EPHA5: variants seen among roughly 807,000 people sequenced by gnomAD.
The protein encoded by EPHA5 is ephrin type-A receptor 5.
A neutral mutation model predicts 105.0 loss-of-function variants in EPHA5; 60 were observed. That is an observed-to-expected ratio of 0.57 (90% CI 0.46 to 0.71). EPHA5 has a LOEUF of 0.71. Ranked by LOEUF, EPHA5 falls within the 30% of genes least tolerant of loss-of-function variation. The pLI is 0.00. For missense variants in EPHA5, 1,218 were observed against 1,274.7 expected (o/e 0.96, Z 0.68); for synonymous variants, 513 against 449.1 (o/e 1.14, Z -1.80).
chr4:65,612,556 T>G (rs926015048), intron 2 of EPHA5, among the ~76,000 whole-genome samples: 1 of 152,234 alleles, frequency 6.6e-6, no homozygotes, highest in African/African-American at 2.4e-5. Context: ...CCACATTTTC[T>G]TTATCCAATC....
At chr4:65,662,276 G>C (rs1270437962) in intron 1 of EPHA5, among the ~76,000 whole-genome samples, 6 of 152,136 alleles carry the variant, frequency 3.9e-5, no homozygotes, top group Non-Finnish European at 7.4e-5. Context: ...ATGTTTCCAA[G>C]TAGGAACATG....
intron 3 of EPHA5, among the ~76,000 whole-genome samples, chr4:65,519,825 G>A (rs1734497891): frequency 6.6e-6 from 1 of 152,094 alleles, no homozygotes; most frequent in Non-Finnish European, 1.5e-5. Context: ...TACAAGTGAT[G>A]TGAAGGACCT....
chr4:65,531,789 G>A (rs1469900144), intron 3 of EPHA5, among the ~76,000 whole-genome samples: 2 of 152,088 alleles, frequency 1.3e-5, no homozygotes, highest in Non-Finnish European at 2.9e-5. Flanking sequence ...TGATAAAGAG[G>A]TACCATATCA....
chr4:65,434,707 T>C (rs6831652), intron 5 of EPHA5, among the ~76,000 whole-genome samples: 60,673 of 151,916 alleles, frequency 0.4, 14,035 homozygotes, highest in Non-Finnish European at 0.52. Context: ...CAACTTTTCA[T>C]CAAATGTTTC....
At chr4:65,466,472 T>G (rs181237088) in intron 5 of EPHA5, among the ~76,000 whole-genome samples, 23 of 152,290 alleles carry the variant, frequency 1.5e-4, no homozygotes, top group African/African-American at 5.5e-4. Flanking sequence ...TTAGAGGGTT[T>G]TGAGGAGGGA....
At position 65,324,125 on chromosome 4, in the gene EPHA5, C is replaced by A. The variant is rs758487170; in HGVS notation, c.3040G>T (p.Val1014Leu). The A allele has an allele frequency of 6.2e-7, 1 of 1,606,982 alleles. No homozygotes were observed. The highest frequency in any genetic ancestry group is 1.7e-4 in the Middle Eastern group (1 of 6,016). The change falls in exon 17 of 17, where the codon GTG becomes TTG. Residue 1014 changes from valine to leucine, a missense_variant. Physicochemically the swap from Val to Leu is conservative, Grantham distance 32 (BLOSUM62 1). Transcript: ENST00000613740. ...EMKVQLVNGM[V>L]PL is the part of the protein sequence containing the mutation. ...ACATTTACATGAAGTTACAATGGCA[C>A]CATTCCGTTTACCAGCTGCACCTTC...
At chr4:65,485,647 C>A (rs1021155395) in intron 5 of EPHA5, among the ~76,000 whole-genome samples, 1 of 152,128 alleles carries the variant, frequency 6.6e-6, no homozygotes, top group Non-Finnish European at 1.5e-5. Context: ...CAGCCTAATG[C>A]AAAATTTTCA....
chr4:65,567,308 A>C (rs1054654753), intron 3 of EPHA5, among the ~76,000 whole-genome samples: 9 of 151,776 alleles, frequency 5.9e-5, no homozygotes, highest in African/African-American at 1.9e-4. Context: ...GTTTCATCAG[A>C]GCACTTATAT....
chr4:65,467,918 T>C (rs1261386919), intron 5 of EPHA5, among the ~76,000 whole-genome samples: 1 of 152,060 alleles, frequency 6.6e-6, no homozygotes, highest in East Asian at 1.9e-4. Context: ...GCTTTGAAGG[T>C]GGAAGAAGAG....
intron 2 of EPHA5, among the ~76,000 whole-genome samples, chr4:65,624,228 T>A (rs546645291): frequency 2.0e-5 from 3 of 152,224 alleles, no homozygotes; most frequent in Non-Finnish European, 2.9e-5. Flanking sequence ...TCAGAGAATG[T>A]TAGAGAGGAT....
At chr4:65,434,926 C>T (rs372562414) in intron 5 of EPHA5, among the ~76,000 whole-genome samples, 1 of 152,020 alleles carries the variant, frequency 6.6e-6, no homozygotes, top group African/African-American at 2.4e-5. Context: ...AAAAACACAG[C>T]CAGCCAATGT....
chr4:65,406,379 G>T (rs188343309), intron 7 of EPHA5, among the ~76,000 whole-genome samples: 8 of 152,050 alleles, frequency 5.3e-5, no homozygotes, highest in Non-Finnish European at 4.4e-5. Flanking sequence ...ATTGTAAGGC[G>T]TTTGACTTAG....
At chr4:65,331,598 A>G (rs1720623400) in intron 16 of EPHA5, 4 of 1,066,358 alleles carry the variant, frequency 3.8e-6, no homozygotes, top group Admixed American at 5.3e-5. Context: ...ATGTAGGACT[A>G]GCCACACCAA....
At chr4:65,604,765 CACTCACCAAGAACTTTAGA>C (rs1744064681) in intron 2 of EPHA5, among the ~76,000 whole-genome samples, 2 of 150,264 alleles carry the variant, frequency 1.3e-5, no homozygotes, top group Non-Finnish European at 3.0e-5. Context: ...GAGAAAGTAA[CACTCACCAAGAACTTTAGA>C]ATGTGGCAGA....
intron 7 of EPHA5, among the ~76,000 whole-genome samples, chr4:65,408,167 G>T (rs1331927554): frequency 5.9e-5 from 9 of 151,974 alleles, no homozygotes; most frequent in Non-Finnish European, 1.3e-4. Flanking sequence ...ATTAACTCAG[G>T]TGAAAATAAA....
chr4:65,375,643 C>T (rs1229279250), intron 8 of EPHA5, among the ~76,000 whole-genome samples: 1 of 151,802 alleles, frequency 6.6e-6, no homozygotes, highest in African/African-American at 2.4e-5. Context: ...GCATCAATAT[C>T]AATGTTCTTT....
rs986274091 is a variant in EPHA5, at chr4:65,494,772, T to C, written c.1066+616A>G. On this transcript the variant is annotated intron_variant, in intron 4 of 16. Coordinates refer to ENST00000613740, the MANE Select transcript of EPHA5 (RefSeq NM_001281766.3). ...TTGAGAACCCTAGCAAAAAAATTGG[T>C]GTATGTATGACTCTGATCTGATTTA... Among the ~76,000 whole-genome samples the C allele has an allele frequency of 3.3e-5, 5 of 152,236 alleles. No homozygotes were observed. The East Asian group carries it at 5.8e-4, about 18-fold the overall frequency.
intron 5 of EPHA5, among the ~76,000 whole-genome samples, chr4:65,490,154 G>A (rs1269163749): frequency 6.6e-6 from 1 of 152,132 alleles, no homozygotes; most frequent in South Asian, 2.1e-4. Context: ...ATTAAAAAAT[G>A]TTTTGTTTTG....
chr4:65,563,134 T>C (rs1422943440), intron 3 of EPHA5, among the ~76,000 whole-genome samples: 1 of 152,058 alleles, frequency 6.6e-6, no homozygotes, highest in East Asian at 1.9e-4. Context: ...CCTCCCACTG[T>C]TCCTATTGTT....
Sources: gnomAD v4.1 joint callset for allele counts (sites outside exome capture counted in the v4.1 genomes callset) on GRCh38, gnomAD v4.1.1 for gene constraint, MANE v1.5 for transcripts, NCBI Gene and HGNC (gene_info 2026-07-23, HGNC 2026-07-21) for gene names.